KLHL29: variants seen among roughly 807,000 people sequenced by gnomAD.
KLHL29 encodes the protein kelch like family member 29.
Under a neutral mutation model 80.4 loss-of-function variants are expected in KLHL29, and 21 were observed. That is an observed-to-expected ratio of 0.26 (90% confidence interval 0.19 to 0.38). The LOEUF (loss-of-function observed/expected upper bound fraction) is 0.38. Ranked by LOEUF, KLHL29 falls within the 10% of genes least tolerant of loss-of-function variation. The probability of loss-of-function intolerance (pLI) is 1.00; values close to 1 mark genes in which losing one functional copy is unlikely to be tolerated. For missense variants in KLHL29, 867 were observed against 1,223.9 expected (o/e 0.71, Z 4.35); for synonymous variants, 511 against 526.8 (o/e 0.97, Z 0.41).
At chr2:23,705,281 A>G (rs1253630852) in intron 13 of KLHL29, among the ~76,000 whole-genome samples, 1 of 152,208 alleles carries the variant, frequency 6.6e-6, no homozygotes, top group Non-Finnish European at 1.5e-5. Flanking sequence ...TCACGAGGTC[A>G]GGAGTTCAAG....
At chr2:23,477,246 T>C (rs1664664352) in intron 2 of KLHL29, among the ~76,000 whole-genome samples, 1 of 152,240 alleles carries the variant, frequency 6.6e-6, no homozygotes, top group Non-Finnish European at 1.5e-5. Flanking sequence ...AAACTCCAGC[T>C]TCCCTCTGCA....
chr2:23,550,497 T>C (rs936351341), intron 2 of KLHL29, among the ~76,000 whole-genome samples: 15 of 152,190 alleles, frequency 9.9e-5, no homozygotes, highest in African/African-American at 3.6e-4. Context: ...CGGACAGGGA[T>C]GTTAATGTCC....
At position 23,707,235 on chromosome 2, in the gene KLHL29, G is replaced by T. The variant is rs939806108; in HGVS notation, c.*571G>T. The T allele has an allele frequency of 6.6e-6, 1 of 152,252 alleles. No homozygotes were observed. Among genetic ancestry groups the T allele is most frequent in the African/African-American group, 2.4e-5 (1 of 41,450 alleles). 9.4% of individuals were successfully genotyped at this position (152,252 alleles called of 1,614,324 possible). On this transcript the variant is annotated 3_prime_UTR_variant, in exon 14 of 14. Transcript: ENST00000486442. ...GCCCAGCTGCCCACGCGGAGCCAGG[G>T]GTGGCAGCTGTGGGACAGCCGGGGA...
chr2:23,673,065 G>T (rs1670813650), intron 5 of KLHL29, among the ~76,000 whole-genome samples: 1 of 152,166 alleles, frequency 6.6e-6, no homozygotes, highest in African/African-American at 2.4e-5. Flanking sequence ...ATGATGGGTT[G>T]GTTTGCTTGT....
Position 23,562,476 on chromosome 2 carries a change from A to C in KLHL29, c.280A>C (p.Thr94Pro). Residue 94 changes from threonine to proline, a missense_variant, in exon 3 of 14, where the codon ACC becomes CCC. This residue lies in a region of KLHL29 where 424 missense variants were observed against 456.9 expected (regional missense o/e 0.93). Coordinates refer to ENST00000486442, the MANE Select transcript of KLHL29 (RefSeq NM_052920.2). The surrounding 1 kb of genome is among the most constrained non-coding windows in gnomAD (Gnocchi z 4.5). ...LVASSASAVTTKAPGISKGDS... is the reference protein window; with the variant it reads ...LVASSASAVTPKAPGISKGDS... ...GGCCAGCTCTGCGTCTGCGGTCACC[A>C]CCAAGGTAAGATGTGGTGTCATCTC... The C allele has an allele frequency of 6.5e-7, 1 of 1,535,768 alleles. No individual in the cohort carries two copies. The highest frequency in any genetic ancestry group is 8.7e-7 in the Non-Finnish European group (1 of 1,146,724).
intron 2 of KLHL29, among the ~76,000 whole-genome samples, chr2:23,532,282 C>A (rs1666513594): frequency 6.6e-6 from 1 of 152,210 alleles, no homozygotes; most frequent in African/African-American, 2.4e-5. Context: ...AATTTAAAAA[C>A]AAATTTAAAA....
At chr2:23,637,442 C>T (rs1669645803) in intron 3 of KLHL29, among the ~76,000 whole-genome samples, 1 of 152,208 alleles carries the variant, frequency 6.6e-6, no homozygotes, top group African/African-American at 2.4e-5. Flanking sequence ...GGGGCAGGCC[C>T]TCTGATAAGG....
chr2:23,597,371 A>ATG (rs760903515), intron 3 of KLHL29, among the ~76,000 whole-genome samples: 14 of 41,232 alleles, frequency 3.4e-4, no homozygotes, highest in Admixed American at 2.7e-3. Flanking sequence ...GTATATATAT[A>ATG]TGTGTGTGTG....
At chr2:23,572,494 T>C (rs1176283554) in intron 3 of KLHL29, among the ~76,000 whole-genome samples, 1 of 152,238 alleles carries the variant, frequency 6.6e-6, no homozygotes, top group Non-Finnish European at 1.5e-5. Flanking sequence ...CAGCGAACTC[T>C]GTAAAAGTCA....
intron 2 of KLHL29, among the ~76,000 whole-genome samples, chr2:23,476,466 C>T (rs1664645021): frequency 6.6e-6 from 1 of 152,058 alleles, no homozygotes; most frequent in Non-Finnish European, 1.5e-5. Flanking sequence ...TATGCACATA[C>T]GTAAACAGTG....
intron 2 of KLHL29, among the ~76,000 whole-genome samples, chr2:23,480,359 C>T (rs1383131132): frequency 1.3e-5 from 2 of 152,112 alleles, no homozygotes; most frequent in African/African-American, 2.4e-5. Context: ...TGGTGACACA[C>T]GCCTATAGTC....
intron 2 of KLHL29, among the ~76,000 whole-genome samples, chr2:23,492,448 C>T (rs1040725511): frequency 3.9e-5 from 6 of 152,328 alleles, no homozygotes; most frequent in South Asian, 2.1e-4. Context: ...ATAGCAGTCA[C>T]GTGGCCCACC....
At chr2:23,418,344 A>G (rs1388979198) in intron 1 of KLHL29, among the ~76,000 whole-genome samples, 1 of 152,056 alleles carries the variant, frequency 6.6e-6, no homozygotes, top group Non-Finnish European at 1.5e-5. Flanking sequence ...AGGGTGTCCC[A>G]AGGCTGGCAA....
chr2:23,576,383 A>G (rs1667843343), intron 3 of KLHL29, among the ~76,000 whole-genome samples: 1 of 152,006 alleles, frequency 6.6e-6, no homozygotes, highest in South Asian at 2.1e-4. Context: ...AGGAGATGAT[A>G]TTGAGCAAAA....
In KLHL29 at chr2:23,576,339, C is replaced by T. The variant is rs148023097; in HGVS notation, c.285+13858C>T. Among the ~76,000 whole-genome samples, 4 of 149,882 alleles carry T rather than the reference C, an allele frequency of 2.7e-5. No homozygotes were observed. The East Asian group carries it at 7.8e-4, about 29-fold the overall frequency. ...AAAAAAAAAAACGAAATATGCTGAG[C>T]GTGTGAGTTTTATTCTTCCACGATA... On this transcript the variant is annotated intron_variant, in intron 3 of 13. Coordinates refer to ENST00000486442, the MANE Select transcript of KLHL29 (RefSeq NM_052920.2).
At chr2:23,490,096 G>A (rs1665052648) in intron 2 of KLHL29, among the ~76,000 whole-genome samples, 1 of 152,246 alleles carries the variant, frequency 6.6e-6, no homozygotes, top group South Asian at 2.1e-4. Context: ...GGGCGAGGAT[G>A]CGCGTGCAGG....
chr2:23,503,222 G>T lies in KLHL29; in HGVS notation c.-46+27555G>T, dbSNP rs975348383. Among the ~76,000 whole-genome samples the T allele has an allele frequency of 6.6e-6, 1 of 152,200 alleles. No homozygotes were observed. Among genetic ancestry groups the T allele is most frequent in the African/African-American group, 2.4e-5 (1 of 41,438 alleles). ...GTCCTGTGAAGTAGACCTGGCAGGGGATGGCTGCTCCGGGCTGGCCTGGGC... is the reference window on the plus strand; with the variant it reads ...GTCCTGTGAAGTAGACCTGGCAGGGTATGGCTGCTCCGGGCTGGCCTGGGC... On this transcript the variant is annotated intron_variant, in intron 2 of 13. Coordinates refer to ENST00000486442, the MANE Select transcript of KLHL29 (RefSeq NM_052920.2). This position sits in a 1 kb window ranked among gnomAD's most constrained non-coding sequence, Gnocchi z 4.0.
intron 3 of KLHL29, among the ~76,000 whole-genome samples, chr2:23,604,606 C>A (rs1233281756): frequency 6.6e-6 from 1 of 152,154 alleles, no homozygotes. Context: ...TCTGACACTA[C>A]CATGTCCTGA....
rs79093495 is a variant in KLHL29, at chr2:23,410,763, T to C, written c.-154+24983T>C. 4.5e-3 allele frequency among the ~76,000 whole-genome samples: 684 copies of C among 152,188 alleles called. 5 individuals are homozygous for C. The highest frequency in any genetic ancestry group is 0.015 in the African/African-American group (629 of 41,508). On this transcript the variant is annotated intron_variant, in intron 1 of 13. Transcript: ENST00000486442. ...TGCATTTCCTGTGTATCCTCCACCATGTGCTGGCTGAGTCAAGAATGGAGG... is the reference window on the plus strand; with the variant it reads ...TGCATTTCCTGTGTATCCTCCACCACGTGCTGGCTGAGTCAAGAATGGAGG...
Sources: allele counts gnomAD v4.1 joint callset (sites outside exome capture counted in the v4.1 genomes callset), GRCh38; gene constraint gnomAD v4.1.1; regional missense constraint gnomAD v4.1.1; non-coding constraint Gnocchi (gnomAD v3.1); transcripts MANE v1.5; gene names NCBI Gene and HGNC (gene_info 2026-07-23, HGNC 2026-07-21).